Variants in GRM8 observed in about 807,000 individuals in gnomAD.
The protein encoded by GRM8 is metabotropic glutamate receptor 8.
GRM8 carries 47 observed loss-of-function variants against 87.2 expected under a neutral mutation model. The observed-to-expected ratio is 0.54, with a 90% CI of 0.43 to 0.69. The LOEUF is 0.69. Among genes scored for constraint, GRM8 ranks in the 30% least tolerant of loss-of-function variants. The probability of loss-of-function intolerance (pLI) is 0.00; values close to 1 mark genes in which losing one functional copy is unlikely to be tolerated. For missense variants in GRM8, 1,019 were observed against 1,139.2 expected (o/e 0.89, Z 1.52); for synonymous variants, 396 against 404.5 (o/e 0.98, Z 0.25).
At chr7:126,677,140 A>T (rs913202469) in intron 7 of GRM8, among the ~76,000 whole-genome samples, 1 of 152,180 alleles carries the variant, frequency 6.6e-6, no homozygotes, top group Admixed American at 6.5e-5. Context: ...GTAAATTAAA[A>T]CCACAATGAG....
intron 7 of GRM8, among the ~76,000 whole-genome samples, chr7:126,690,859 C>T (rs900364270): frequency 4.2e-4 from 64 of 152,122 alleles, no homozygotes; most frequent in African/African-American, 1.5e-3. Flanking sequence ...TCCTCTCTGA[C>T]CAAATGATGG....
In GRM8 at chr7:126,854,984, A is replaced by C. The variant is rs150521720; in HGVS notation, c.1156+47558T>G. On this transcript the variant is annotated intron_variant, in intron 6 of 10. Coordinates refer to ENST00000339582, the MANE Select transcript of GRM8 (RefSeq NM_000845.3). ...GTACTATGTTGAATAGAAGTGGTGA[A>C]AGTGGGCATCCTTGTCTTGTTCCAG... is the stretch of plus-strand genomic sequence containing the variant. Among the ~76,000 whole-genome samples the C allele has an allele frequency of 5.1e-3, 782 of 152,208 alleles. 6 individuals carry two copies. The highest frequency in any genetic ancestry group is 0.018 in the African/African-American group (750 of 41,552).
rs138386470 is a variant in GRM8, at chr7:126,757,622, T to C, written c.1357+12243A>G. On this transcript the variant is annotated intron_variant, in intron 7 of 10. Coordinates refer to ENST00000339582, the MANE Select transcript of GRM8 (RefSeq NM_000845.3). ...AGTTCTGTCATGCAGAATCCACTTA[T>C]CTCTGTTCTGTGAGCATGGACAACT... Among the ~76,000 whole-genome samples the C allele has an allele frequency of 5.2e-3, 796 of 152,288 alleles. 11 individuals carry two copies. Among genetic ancestry groups the C allele is most frequent in the African/African-American group, 0.018 (752 of 41,582 alleles).
chr7:126,908,104 A>T (rs1256869147), intron 3 of GRM8, among the ~76,000 whole-genome samples: 1 of 152,200 alleles, frequency 6.6e-6, no homozygotes, highest in African/African-American at 2.4e-5. Context: ...TGGAATGTCA[A>T]ACTGAAAAAG....
At chr7:127,191,935 T>C (rs1178004625) in intron 2 of GRM8, among the ~76,000 whole-genome samples, 1 of 152,222 alleles carries the variant, frequency 6.6e-6, no homozygotes, top group Non-Finnish European at 1.5e-5. Flanking sequence ...CCATTTTCCA[T>C]TTTTCTATCT....
intron 7 of GRM8, among the ~76,000 whole-genome samples, chr7:126,658,534 T>C (rs1019394971): frequency 6.6e-6 from 1 of 152,038 alleles, no homozygotes; most frequent in Non-Finnish European, 1.5e-5. Flanking sequence ...ATGTATCACC[T>C]GTTATCTATG....
intron 2 of GRM8, among the ~76,000 whole-genome samples, chr7:127,113,080 T>C (rs1826478546): frequency 6.6e-6 from 1 of 152,190 alleles, no homozygotes; most frequent in South Asian, 2.1e-4. Flanking sequence ...AAAGGGTCTC[T>C]GAGGCTCCAA....
chr7:126,980,775 C>T (rs1469007712), intron 3 of GRM8, among the ~76,000 whole-genome samples: 2 of 152,198 alleles, frequency 1.3e-5, no homozygotes, highest in Non-Finnish European at 2.9e-5. Context: ...ACTAAGCTGT[C>T]ATTTCTCATA....
chr7:126,725,734 C>T (rs1311898643), intron 7 of GRM8, among the ~76,000 whole-genome samples: 10 of 152,128 alleles, frequency 6.6e-5, no homozygotes, highest in East Asian at 5.8e-4. Flanking sequence ...AGAAGCACGG[C>T]GTTGGCATCT....
intron 6 of GRM8, among the ~76,000 whole-genome samples, chr7:126,780,248 G>A (rs775847561): frequency 6.6e-6 from 1 of 152,096 alleles, no homozygotes. Flanking sequence ...CTAGTTATGA[G>A]CTTTGAGTAA....
At chr7:126,702,082 T>G (rs1052215378) in intron 7 of GRM8, among the ~76,000 whole-genome samples, 2 of 152,196 alleles carry the variant, frequency 1.3e-5, no homozygotes, top group Non-Finnish European at 2.9e-5. Context: ...ATTTATTCAT[T>G]TATTCAACTC....
intron 3 of GRM8, among the ~76,000 whole-genome samples, chr7:127,049,064 C>A (rs1819213685): frequency 6.6e-6 from 1 of 152,146 alleles, no homozygotes; most frequent in East Asian, 1.9e-4. Flanking sequence ...AAATTATATT[C>A]TTTAAAAGAC....
chr7:126,952,405 A>C (rs1258681428), intron 3 of GRM8, among the ~76,000 whole-genome samples: 1 of 152,052 alleles, frequency 6.6e-6, no homozygotes, highest in Non-Finnish European at 1.5e-5. Flanking sequence ...CATTAAGCAA[A>C]CACCATAATA....
At chr7:126,769,753 A>C in intron 7 of GRM8, 112 bp downstream of exon 7, 2 of 665,350 alleles carry the variant, frequency 3.0e-6, no homozygotes, top group South Asian at 3.8e-5. Flanking sequence ...CAAAGAAGAG[A>C]ACTGCTTCTA....
At chr7:126,500,153 T>C (rs1017222055) in intron 9 of GRM8, among the ~76,000 whole-genome samples, 4 of 151,930 alleles carry the variant, frequency 2.6e-5, no homozygotes, top group Non-Finnish European at 1.5e-5. Flanking sequence ...TGCTGTACAA[T>C]AGAACACCAG....
chr7:126,969,599 C>A (rs1305107640), intron 3 of GRM8, among the ~76,000 whole-genome samples: 1 of 152,152 alleles, frequency 6.6e-6, no homozygotes, highest in African/African-American at 2.4e-5. Context: ...TCCACCACAT[C>A]TGCAGTTATT....
intron 10 of GRM8, among the ~76,000 whole-genome samples, chr7:126,441,475 T>C: frequency 6.6e-6 from 1 of 152,056 alleles, no homozygotes; most frequent in East Asian, 1.9e-4. Flanking sequence ...TGTGATGCAA[T>C]GAATCTCTGT....
intron 2 of GRM8, among the ~76,000 whole-genome samples, chr7:127,140,352 T>G (rs553480034): frequency 6.6e-6 from 1 of 152,128 alleles, no homozygotes; most frequent in African/African-American, 2.4e-5. Flanking sequence ...TTGCCAAATG[T>G]CCCTGAGACA....
chr7:126,477,559 AAGAGAAAGAAAGAAAGAAAG>A (rs1320294324), intron 9 of GRM8, among the ~76,000 whole-genome samples: 348 of 122,678 alleles, frequency 2.8e-3, no homozygotes, highest in African/African-American at 0.01. Flanking sequence ...AAGGAGAAGT[AAGAGAAAGAAAGAAAGAAAG>A]AGAGAAAGAA....
Sources: allele counts gnomAD v4.1 joint callset (sites outside exome capture counted in the v4.1 genomes callset), GRCh38; gene constraint gnomAD v4.1.1; transcripts MANE v1.5; gene names NCBI Gene and HGNC (gene_info 2026-07-23, HGNC 2026-07-21).